HVCN1: variants seen among roughly 807,000 people sequenced by gnomAD.
The protein encoded by HVCN1 is voltage-gated hydrogen channel 1.
A neutral mutation model predicts 29.2 loss-of-function variants in HVCN1; 14 were observed. The observed-to-expected ratio is 0.48, with a 90% CI of 0.32 to 0.75. The LOEUF is 0.75. Among genes scored for constraint, HVCN1 ranks in the 30% least tolerant of loss-of-function variants. HVCN1 has a pLI of 0.04. For synonymous variants in HVCN1, 131 were observed against 133.2 expected (o/e 0.98, Z 0.11); for missense variants, 263 against 341.8 (o/e 0.77, Z 1.82).
At chr12:110,683,938 AG>A (rs1343006718) in intron 2 of HVCN1, among the ~76,000 whole-genome samples, 3 of 150,378 alleles carry the variant, frequency 2.0e-5, no homozygotes, top group African/African-American at 5.0e-5. Context: ...AAAAAAAAAA[AG>A]AGAGAGAAAT....
At chr12:110,654,636 G>T (rs774846857) in intron 5 of HVCN1, among the ~76,000 whole-genome samples, 1 of 151,812 alleles carries the variant, frequency 6.6e-6, no homozygotes, top group Non-Finnish European at 1.5e-5. Flanking sequence ...ATGCCACCAC[G>T]CCCAGCTACT....
chr12:110,662,194 A>G (rs568032081), intron 3 of HVCN1, among the ~76,000 whole-genome samples: 1 of 152,302 alleles, frequency 6.6e-6, no homozygotes, highest in African/African-American at 2.4e-5. Flanking sequence ...CTCACGGGAA[A>G]GAAAGGCTGG....
At chr12:110,679,943 A>G (rs1168271841) in intron 3 of HVCN1, among the ~76,000 whole-genome samples, 1 of 151,940 alleles carries the variant, frequency 6.6e-6, no homozygotes, top group Non-Finnish European at 1.5e-5. Context: ...CGATGAGGCT[A>G]TCTCAGCAGA....
chr12:110,650,354 C>T, intron 6 of HVCN1, 74 bp from the exon 7 acceptor site: 2 of 882,540 alleles, frequency 2.3e-6, no homozygotes, highest in South Asian at 1.4e-5. Context: ...TGTATTCTTA[C>T]ACCTGTATAG....
At position 110,650,489 on chromosome 12, in the gene HVCN1, A is replaced by G. The variant is rs368803643; in HGVS notation, c.644-209T>C. Among the ~76,000 whole-genome samples the G allele has an allele frequency of 1.4e-4, 22 of 152,268 alleles. No homozygotes were observed. The East Asian group carries it at 3.1e-3, about 21-fold the overall frequency. On this transcript the variant is annotated intron_variant, in intron 6 of 7. Coordinates refer to ENST00000242607, the MANE Select transcript of HVCN1 (RefSeq NM_032369.4). ...TACACAGTATCTCTCTTTAGCTGGCATGGCTGAGAAATCCTTAAAAATAAT... is the reference window on the plus strand; with the variant it reads ...TACACAGTATCTCTCTTTAGCTGGCGTGGCTGAGAAATCCTTAAAAATAAT...
rs992952103 is a variant in HVCN1 at position 110,661,267 on chromosome 12, C to G, written c.203G>C (p.Arg68Thr). The stretch of plus-strand genomic sequence containing the variant: ...AGGGGCAACGTCAGGGGCTGCAGCT[C>G]TGCCTTCCTCGCCTGAGACTGGTGT... ...PPTPVSGEEG[R>T]AAAPDVAPAP... Residue 68 changes from arginine (R) to threonine (T), a missense_variant, in exon 4 of 8, where the codon AGA becomes ACA. By Grantham distance (71) the Arg-to-Thr change is moderately conservative. Around this residue, in one of 3 missense-constraint regions of HVCN1, gnomAD observed 157 missense variants for 181.3 expected, o/e 0.87. Coordinates refer to ENST00000242607, the MANE Select transcript of HVCN1 (RefSeq NM_032369.4). The surrounding 1 kb of genome is among the most constrained non-coding windows in gnomAD (Gnocchi z 6.2). 1.2e-6 allele frequency: 2 copies of G among 1,614,104 alleles called. No individual in the cohort carries two copies.
At chr12:110,650,453 T>C (rs996107884) in intron 6 of HVCN1, among the ~76,000 whole-genome samples, 173 bp from the exon 7 acceptor site, 23 of 152,174 alleles carry the variant, frequency 1.5e-4, no homozygotes, top group African/African-American at 5.6e-4. Context: ...CTGAGCTACT[T>C]AGTACCCAGT....
At chr12:110,678,434 TATTTC>T in intron 3 of HVCN1, among the ~76,000 whole-genome samples, 1 of 141,876 alleles carries the variant, frequency 7.0e-6, no homozygotes, top group African/African-American at 2.6e-5. Context: ...CATTTCATTC[TATTTC>T]TTTTTTTTTT....
intron 3 of HVCN1, among the ~76,000 whole-genome samples, chr12:110,679,370 A>C (rs993778913): frequency 6.6e-6 from 1 of 152,220 alleles, no homozygotes; most frequent in Non-Finnish European, 1.5e-5. Flanking sequence ...TGCTGAGTGC[A>C]GTCACCTGTG....
chr12:110,696,740 G>A (rs907352245), intron 2 of HVCN1, among the ~76,000 whole-genome samples: 8 of 152,142 alleles, frequency 5.3e-5, no homozygotes, highest in African/African-American at 1.9e-4. Flanking sequence ...CGTCATCCAT[G>A]TTGTAGCATG....
chr12:110,693,272 G>A (rs1420584685), upstream of HVCN1, among the ~76,000 whole-genome samples: 1 of 152,086 alleles, frequency 6.6e-6, no homozygotes, highest in African/African-American at 2.4e-5. Context: ...GGCCAGGCGC[G>A]GTGGCTCATG....
chr12:110,661,258 G>A lies in HVCN1; in HGVS notation c.212C>T (p.Ala71Val), dbSNP rs549678316. 1.2e-6 allele frequency: 2 copies of A among 1,614,154 alleles called. No homozygotes were observed. The highest frequency in any genetic ancestry group is 1.7e-6 in the Non-Finnish European group (2 of 1,179,996). ...PVSGEEGRAA[A>V]PDVAPAPGPA... ...GCCAGGGGCAGGGGCAACGTCAGGG[G>A]CTGCAGCTCTGCCTTCCTCGCCTGA... Residue 71 changes from alanine to valine, a missense_variant, in exon 4 of 8, where the codon GCC (alanine) becomes GTC (valine). Transcript: ENST00000242607. The surrounding 1 kb of genome is among the most constrained non-coding windows in gnomAD (Gnocchi z 6.2).
chr12:110,692,154 G>T (rs1418546793), upstream of HVCN1, among the ~76,000 whole-genome samples: 1 of 152,078 alleles, frequency 6.6e-6, no homozygotes, highest in African/African-American at 2.4e-5. Flanking sequence ...TAAGATTGGG[G>T]TGCCCTCCAT....
chr12:110,652,676 C>G (rs1425094312), intron 5 of HVCN1, among the ~76,000 whole-genome samples: 2 of 152,192 alleles, frequency 1.3e-5, no homozygotes, highest in Non-Finnish European at 2.9e-5. Context: ...CATACATACA[C>G]ACATGGGAAA....
At chr12:110,695,104 A>G (rs191911026) in intron 2 of HVCN1, among the ~76,000 whole-genome samples, 29 of 152,290 alleles carry the variant, frequency 1.9e-4, no homozygotes, top group African/African-American at 6.3e-4. Flanking sequence ...GACAAATTAC[A>G]AAGTGATAAG....
chr12:110,695,512 C>T (rs937477862), intron 2 of HVCN1, among the ~76,000 whole-genome samples: 20 of 151,998 alleles, frequency 1.3e-4, no homozygotes, highest in African/African-American at 4.3e-4. Flanking sequence ...GATGTGATCA[C>T]GCCACTGCAC....
intron 2 of HVCN1, among the ~76,000 whole-genome samples, chr12:110,687,348 G>A (rs1305221226): frequency 2.0e-5 from 3 of 151,992 alleles, no homozygotes; most frequent in Non-Finnish European, 2.9e-5. Flanking sequence ...GGTGGTCAGG[G>A]ACAACTCGAC....
rs537178438 is a variant in HVCN1, at chr12:110,651,088, G to A, written c.643+129C>T. 4 of 651,458 alleles carry A rather than the reference G, an allele frequency of 6.1e-6. No homozygotes were observed. The Admixed American group carries it at 7.9e-5, about 13-fold the overall frequency. The allele number at this position is 651,458 out of a possible 1,614,324, so 40.4% of individuals were successfully genotyped here. On this transcript the variant is annotated intron_variant, in intron 6 of 7. Transcript: ENST00000242607. Reference sequence around the variant, plus strand: ...GAAGGGAGGAGAGGGAGGTGAGGGGGCAGAGGGGAGGCCTCCATAACAGGA... The same window carrying A: ...GAAGGGAGGAGAGGGAGGTGAGGGGACAGAGGGGAGGCCTCCATAACAGGA...
At chr12:110,686,264 A>G (rs1364177433) in intron 2 of HVCN1, among the ~76,000 whole-genome samples, 3 of 152,128 alleles carry the variant, frequency 2.0e-5, no homozygotes, top group Non-Finnish European at 1.5e-5. Context: ...TCAGCCTCCT[A>G]AAGTGCTGGA....
Sources: gnomAD v4.1 joint callset for allele counts (sites outside exome capture counted in the v4.1 genomes callset) on GRCh38, gnomAD v4.1.1 for gene constraint, gnomAD v4.1.1 regional missense constraint, Gnocchi (gnomAD v3.1) non-coding constraint, MANE v1.5 for transcripts, NCBI Gene and HGNC (gene_info 2026-07-23, HGNC 2026-07-21) for gene names.